Variants in PIP5K1B observed in about 807,000 individuals in gnomAD.
PIP5K1B encodes phosphatidylinositol 4-phosphate 5-kinase type-1 beta.
Under a neutral mutation model 67.0 loss-of-function variants are expected in PIP5K1B, and 42 were observed. The ratio of observed to expected loss-of-function variants is 0.63; its 90% CI spans 0.49 to 0.81. The LOEUF is 0.81. Ranked by LOEUF, PIP5K1B falls within the 30% of genes least tolerant of loss-of-function variation. PIP5K1B has a pLI of 0.00. For missense variants in PIP5K1B, 459 were observed against 646.3 expected (o/e 0.71, Z 3.14); for synonymous variants, 214 against 231.4 (o/e 0.92, Z 0.68).
intron 2 of PIP5K1B, chr9:68,780,396 G>T (rs1344099489): frequency 6.2e-7 from 1 of 1,613,794 alleles, no homozygotes; most frequent in Non-Finnish European, 8.5e-7. Context: ...GGCCTCCCCT[G>T]TCCGCATGCA....
chr9:68,979,324 G>A (rs1428293067), intron 14 of PIP5K1B, among the ~76,000 whole-genome samples: 2 of 152,162 alleles, frequency 1.3e-5, no homozygotes, highest in African/African-American at 4.8e-5. Context: ...TCTTTTTAAT[G>A]AGTAAATGAA....
rs1427966982 is a variant in PIP5K1B at position 68,981,784 on chromosome 9, T to TTG, written c.1503-9356_1503-9355insTG. On this transcript the variant is annotated intron_variant, in intron 14 of 15. Coordinates refer to ENST00000265382, the MANE Select transcript of PIP5K1B (RefSeq NM_003558.4). Reference sequence around the variant, plus strand: ...AATGAAGCCAAACTAATGTTGCTGATAACCAAAAGAATCTTTTTTTTTTTT... The same window carrying TTG: ...AATGAAGCCAAACTAATGTTGCTGATTGAACCAAAAGAATCTTTTTTTTTTTT... Among the ~76,000 whole-genome samples the TTG allele has an allele frequency of 3.3e-5, 5 of 151,120 alleles. No homozygotes were observed. In the East Asian group the frequency reaches 9.8e-4, roughly 30 times the overall value.
intron 8 of PIP5K1B, among the ~76,000 whole-genome samples, chr9:68,915,608 AC>A (rs1423412429): frequency 6.6e-6 from 1 of 151,714 alleles, no homozygotes; most frequent in Non-Finnish European, 1.5e-5. Context: ...ATTTCCTATC[AC>A]CCCTCCCTTC....
chr9:68,934,560 AG>A, intron 12 of PIP5K1B, among the ~76,000 whole-genome samples: 1 of 152,236 alleles, frequency 6.6e-6, no homozygotes, highest in South Asian at 2.1e-4. Context: ...TTGTTTGGAG[AG>A]GGGGGAATGA....
chr9:68,790,822 C>T (rs1196522426), intron 2 of PIP5K1B, among the ~76,000 whole-genome samples: 1 of 152,170 alleles, frequency 6.6e-6, no homozygotes, highest in African/African-American at 2.4e-5. Flanking sequence ...TTTGCATCAG[C>T]GGTTCAGATT....
chr9:68,888,615 C>G (rs1049795194), intron 6 of PIP5K1B, among the ~76,000 whole-genome samples: 1 of 152,208 alleles, frequency 6.6e-6, no homozygotes, highest in Middle Eastern at 3.2e-3. Flanking sequence ...AGTGATAAAA[C>G]ACAGTGCAGT....
At chr9:68,739,102 C>T (rs938623673) in intron 1 of PIP5K1B, among the ~76,000 whole-genome samples, 1 of 152,236 alleles carries the variant, frequency 6.6e-6, no homozygotes, top group Non-Finnish European at 1.5e-5. Context: ...TCCTCCCCAG[C>T]ACCACTATTT....
chr9:68,795,245 T>C (rs1832225892), intron 2 of PIP5K1B, among the ~76,000 whole-genome samples: 1 of 152,160 alleles, frequency 6.6e-6, no homozygotes. Flanking sequence ...ACACCTAACC[T>C]TGTGACTTCC....
intron 2 of PIP5K1B, among the ~76,000 whole-genome samples, chr9:68,772,079 A>C (rs1383064378): frequency 6.6e-6 from 1 of 152,194 alleles, no homozygotes; most frequent in Admixed American, 6.5e-5. Flanking sequence ...CTTAGAGGCT[A>C]AGGAATTCTT....
chr9:68,865,516 C>T (rs1362355167), intron 5 of PIP5K1B, among the ~76,000 whole-genome samples: 2 of 152,130 alleles, frequency 1.3e-5, no homozygotes, highest in African/African-American at 4.8e-5. Flanking sequence ...AAATGGAGGA[C>T]TTCTGTGGGA....
At chr9:68,792,194 T>G (rs1832011490) in intron 2 of PIP5K1B, among the ~76,000 whole-genome samples, 1 of 152,168 alleles carries the variant, frequency 6.6e-6, no homozygotes, top group South Asian at 2.1e-4. Flanking sequence ...CTTTGCCCCA[T>G]GCAAAAATAG....
intron 5 of PIP5K1B, among the ~76,000 whole-genome samples, chr9:68,867,068 T>C (rs1483450593): frequency 6.6e-6 from 1 of 152,154 alleles, no homozygotes; most frequent in South Asian, 2.1e-4. Context: ...CTACTTATAG[T>C]GTACATGAAA....
chr9:68,786,510 T>C (rs576315874), intron 2 of PIP5K1B, among the ~76,000 whole-genome samples: 12 of 152,108 alleles, frequency 7.9e-5, no homozygotes, highest in African/African-American at 2.6e-4. Flanking sequence ...TTGAAGACCA[T>C]TTCCCAGCTA....
chr9:68,721,090 G>A (rs1827858432), intron 1 of PIP5K1B, among the ~76,000 whole-genome samples: 1 of 152,178 alleles, frequency 6.6e-6, no homozygotes, highest in South Asian at 2.1e-4. Flanking sequence ...AATAAGATAG[G>A]GCTGGAGAGG....
At chr9:68,774,651 C>G (rs1830825378) in intron 2 of PIP5K1B, among the ~76,000 whole-genome samples, 1 of 152,196 alleles carries the variant, frequency 6.6e-6, no homozygotes, top group Non-Finnish European at 1.5e-5. Context: ...TGTAGCCCCT[C>G]TCAGTCAGTC....
intron 4 of PIP5K1B, chr9:68,824,030 C>T (rs569190690): frequency 2.8e-5 from 14 of 507,620 alleles, no homozygotes; most frequent in East Asian, 2.2e-4. Flanking sequence ...TCAGAAGTGC[C>T]GCAGTATATT....
chr9:68,964,210 A>T (rs1009343109), intron 14 of PIP5K1B: 8 of 152,194 alleles, frequency 5.3e-5, no homozygotes, highest in African/African-American at 1.9e-4. Flanking sequence ...TTTGAACCTG[A>T]TAGACACTTA....
Position 68,917,750 on chromosome 9 carries a change from A to C in PIP5K1B, c.974A>C (p.Asn325Thr). Reference sequence around the variant, plus strand: ...TCTGGAGATGGGATAATCACAGAGAACCCAGACACGTAAGTGCAGCCACAC... The same window carrying C: ...TCTGGAGATGGGATAATCACAGAGACCCCAGACACGTAAGTGCAGCCACAC... ...GKSGDGIITE[N>T]PDTMGGIPAK... The change falls in exon 9 of 16, where the codon AAC (asparagine) becomes ACC (threonine). Residue 325 changes from asparagine to threonine, a missense_variant. Physicochemically the swap from Asn to Thr is moderately conservative, Grantham distance 65 (BLOSUM62 0). Transcript: ENST00000265382. 6.2e-7 allele frequency: 1 copy of C among 1,613,354 alleles called. No individual in the cohort carries two copies. Among genetic ancestry groups the C allele is most frequent in the Non-Finnish European group, 8.5e-7 (1 of 1,179,386 alleles).
chr9:68,746,171 C>T (rs140453633), intron 2 of PIP5K1B, among the ~76,000 whole-genome samples: 4 of 151,126 alleles, frequency 2.6e-5, no homozygotes, highest in Admixed American at 1.3e-4. Flanking sequence ...CTCCACCTCC[C>T]GGGTTCATGC....
Sources: allele counts gnomAD v4.1 joint callset (sites outside exome capture counted in the v4.1 genomes callset), GRCh38; gene constraint gnomAD v4.1.1; transcripts MANE v1.5; gene names NCBI Gene and HGNC (gene_info 2026-07-23, HGNC 2026-07-21).